AOX1: variants seen among roughly 807,000 people sequenced by gnomAD.
AOX1 encodes the protein aldehyde oxidase.
Under a neutral mutation model 169.5 loss-of-function variants are expected in AOX1, and 153 were observed. The ratio of observed to expected loss-of-function variants is 0.90; its 90% CI spans 0.79 to 1.03. The LOEUF is 1.03. Among genes scored for constraint, AOX1 ranks in the 50% least tolerant of loss-of-function variants. The pLI is 0.00. For synonymous variants in AOX1, 562 were observed against 581.9 expected (o/e 0.97, Z 0.49); for missense variants, 1,656 against 1,663.9 (o/e 1.00, Z 0.08).
downstream of AOX1, among the ~76,000 whole-genome samples, chr2:200,675,668 A>G (rs2036084393): frequency 6.6e-6 from 1 of 152,204 alleles, no homozygotes; most frequent in Admixed American, 6.5e-5. Flanking sequence ...TGAAAAATTA[A>G]AAACAATGTA....
intron 1 of AOX1, among the ~76,000 whole-genome samples, chr2:200,591,471 A>C (rs1455787768): frequency 6.6e-6 from 1 of 152,224 alleles, no homozygotes; most frequent in Non-Finnish European, 1.5e-5. Flanking sequence ...TTGCATGCAA[A>C]TGCAGTGAAG....
chr2:200,647,245 T>A (rs187167317), intron 25 of AOX1, among the ~76,000 whole-genome samples: 1 of 152,358 alleles, frequency 6.6e-6, no homozygotes, highest in African/African-American at 2.4e-5. Context: ...TTTCAAGATT[T>A]AGAGCTGCTT....
chr2:200,652,944 G>A (rs528924421), intron 26 of AOX1, among the ~76,000 whole-genome samples: 2 of 152,250 alleles, frequency 1.3e-5, no homozygotes, highest in African/African-American at 2.4e-5. Context: ...TGAGCACTAC[G>A]ATGTTGTAAG....
At chr2:200,607,956 G>A (rs968865778) in intron 10 of AOX1, among the ~76,000 whole-genome samples, 1 of 152,098 alleles carries the variant, frequency 6.6e-6, no homozygotes, top group African/African-American at 2.4e-5. Flanking sequence ...AACACATACC[G>A]GGGCCTGTTG....
At chr2:200,621,385 T>A (rs1157634681) in intron 18 of AOX1, 139 bp downstream of exon 18, 38 of 759,688 alleles carry the variant, frequency 5.0e-5, no homozygotes, top group Non-Finnish European at 5.5e-5. Context: ...AAGTATATTC[T>A]AATATTGAAT....
intron 19 of AOX1, 93 bp from the exon 20 acceptor site, chr2:200,627,260 A>T: frequency 1.3e-6 from 1 of 790,560 alleles, no homozygotes; most frequent in Admixed American, 2.3e-5. Context: ...GGGAGAAACA[A>T]CCCCTGCTCA....
chr2:200,592,486 A>C (rs2034194389), intron 1 of AOX1, among the ~76,000 whole-genome samples: 1 of 152,244 alleles, frequency 6.6e-6, no homozygotes, highest in Non-Finnish European at 1.5e-5. Flanking sequence ...TTTGGAAAAC[A>C]TAACCAATCT....
intron 16 of AOX1, among the ~76,000 whole-genome samples, chr2:200,617,993 G>A (rs1163579965): frequency 6.6e-6 from 1 of 152,154 alleles, no homozygotes; most frequent in Non-Finnish European, 1.5e-5. Context: ...GGATTCCTTT[G>A]CCATGGGGAC....
chr2:200,605,761 A>T (rs1369548666), intron 10 of AOX1, 133 bp downstream of exon 10: 1 of 437,952 alleles, frequency 2.3e-6, no homozygotes, highest in Non-Finnish European at 4.0e-6. Flanking sequence ...TAAGAATGAT[A>T]TGTTTGTTGG....
chr2:200,668,098 A>T (rs1225809034), intron 32 of AOX1, among the ~76,000 whole-genome samples: 3 of 148,666 alleles, frequency 2.0e-5, no homozygotes, highest in Non-Finnish European at 4.4e-5. Flanking sequence ...ATTTTTATTT[A>T]TTATTATTAT....
chr2:200,602,890 A>G (rs1199237810), intron 6 of AOX1, among the ~76,000 whole-genome samples: 1 of 152,216 alleles, frequency 6.6e-6, no homozygotes, highest in Non-Finnish European at 1.5e-5. Flanking sequence ...GAAGTTAAAC[A>G]ATGAATTCAG....
intron 3 of AOX1, 101 bp downstream of exon 3, chr2:200,595,469 A>G: frequency 2.7e-6 from 2 of 747,532 alleles, no homozygotes; most frequent in Non-Finnish European, 4.3e-6. Flanking sequence ...TACCATGTGA[A>G]AAGAACTGGC....
At chr2:200,629,243 G>T (rs1264173818) in intron 20 of AOX1, among the ~76,000 whole-genome samples, 1 of 152,168 alleles carries the variant, frequency 6.6e-6, no homozygotes, top group Non-Finnish European at 1.5e-5. Context: ...GTGTAACCTG[G>T]CAGGGCACTT....
At chr2:200,623,660 C>T (rs1350345251) in intron 18 of AOX1, among the ~76,000 whole-genome samples, 1 of 152,230 alleles carries the variant, frequency 6.6e-6, no homozygotes, top group Non-Finnish European at 1.5e-5. Context: ...TGATACAGCA[C>T]AAGGATCTAA....
chr2:200,607,595 G>A (rs935701387), intron 10 of AOX1, among the ~76,000 whole-genome samples: 1 of 152,100 alleles, frequency 6.6e-6, no homozygotes, highest in Non-Finnish European at 1.5e-5. Flanking sequence ...AATACCATTT[G>A]ACCCAGTAAT....
intron 31 of AOX1, among the ~76,000 whole-genome samples, chr2:200,664,335 G>A (rs1323736369): frequency 6.6e-6 from 1 of 152,176 alleles, no homozygotes; most frequent in Non-Finnish European, 1.5e-5. Flanking sequence ...TGTTGCCCAG[G>A]CTGGTCTCAA....
At position 200,661,609 on chromosome 2, in the gene AOX1, C is replaced by T. The variant is rs758158020; in HGVS notation, c.3406C>T (p.Leu1136Phe). The T allele has an allele frequency of 3.1e-6, 5 of 1,613,080 alleles. No homozygotes were observed. The highest frequency in any genetic ancestry group is 4.2e-6 in the Non-Finnish European group (5 of 1,179,206). ...GACTGCTTTTGATGAAAGCATTAAC[C>T]TTTCAGCTGTTGGATACTTCAGGTA... ...AQTAFDESIN[L>F]SAVGYFRGYE... The change falls in exon 30 of 35, where the codon CTT becomes TTT. Residue 1136 changes from leucine to phenylalanine, a missense_variant. Physicochemically the swap from Leu to Phe is conservative, Grantham distance 22 (BLOSUM62 0). Coordinates refer to ENST00000374700, the MANE Select transcript of AOX1 (RefSeq NM_001159.4).
At chr2:200,669,297 T>A in intron 33 of AOX1, among the ~76,000 whole-genome samples, 1 of 152,034 alleles carries the variant, frequency 6.6e-6, no homozygotes, top group Non-Finnish European at 1.5e-5. Flanking sequence ...TACAAAAAAA[T>A]AGCCAGGTGT....
At chr2:200,607,623 A>G (rs947102350) in intron 10 of AOX1, among the ~76,000 whole-genome samples, 2 of 152,190 alleles carry the variant, frequency 1.3e-5, no homozygotes, top group African/African-American at 4.8e-5. Flanking sequence ...CTGAGTATAT[A>G]CCCAAAGGAT....
Sources: allele counts gnomAD v4.1 joint callset (sites outside exome capture counted in the v4.1 genomes callset), GRCh38; gene constraint gnomAD v4.1.1; transcripts MANE v1.5; gene names NCBI Gene and HGNC (gene_info 2026-07-23, HGNC 2026-07-21).